UBE2L6: variants seen among roughly 807,000 people sequenced by gnomAD.
UBE2L6 encodes the protein ubiquitin conjugating enzyme E2 L6, also known as ubiquitin/ISG15-conjugating enzyme E2 L6.
UBE2L6 carries 11 observed loss-of-function variants against 13.6 expected under a neutral mutation model. That is an observed-to-expected ratio of 0.81 (90% confidence interval 0.51 to 1.34). The LOEUF is 1.34. Among genes scored for constraint, UBE2L6 ranks in the 40% most tolerant of loss-of-function variants. The probability of loss-of-function intolerance (pLI) is 0.00; values close to 1 mark genes in which losing one functional copy is unlikely to be tolerated. For synonymous variants in UBE2L6, 74 were observed against 83.2 expected (o/e 0.89, Z 0.60); for missense variants, 197 against 199.5 (o/e 0.99, Z 0.07).
intron 1 of UBE2L6, among the ~76,000 whole-genome samples, chr11:57,566,213 A>T (rs1372508258): frequency 1.3e-5 from 2 of 152,220 alleles, no homozygotes; most frequent in Admixed American, 6.5e-5. Flanking sequence ...GTTTAGGATG[A>T]GTTCTGCCAG....
At chr11:57,566,954 C>CA (rs1032269690) in intron 1 of UBE2L6, 6 of 181,370 alleles carry the variant, frequency 3.3e-5, no homozygotes, top group African/African-American at 1.2e-4. Context: ...CCCGCCCCCC[C>CA]CCCCCTCCTA....
At chr11:57,559,525 C>T (rs1402510124) in intron 2 of UBE2L6, among the ~76,000 whole-genome samples, 5 of 152,038 alleles carry the variant, frequency 3.3e-5, no homozygotes, top group East Asian at 1.9e-4. Context: ...GCAGGAGAAT[C>T]GCTTGAACCC....
intron 1 of UBE2L6, among the ~76,000 whole-genome samples, chr11:57,561,038 G>C (rs759779710): frequency 1.5e-4 from 23 of 152,184 alleles, no homozygotes; most frequent in Non-Finnish European, 3.1e-4. Flanking sequence ...TTGGGAGTAA[G>C]TGCTCTTAGG....
At chr11:57,558,549 T>C (rs1945014505) in intron 2 of UBE2L6, among the ~76,000 whole-genome samples, 1 of 152,182 alleles carries the variant, frequency 6.6e-6, no homozygotes, top group Admixed American at 6.5e-5. Flanking sequence ...AAGACAACCT[T>C]CCTCACTGGA....
At chr11:57,552,636 T>G in intron 3 of UBE2L6, 127 bp from the exon 4 acceptor site, 1 of 1,224,262 alleles carries the variant, frequency 8.2e-7, no homozygotes, top group Non-Finnish European at 1.2e-6. Flanking sequence ...AGGATTACTC[T>G]ACGACCAGAT....
At chr11:57,557,270 G>A (rs1945005201) in intron 2 of UBE2L6, among the ~76,000 whole-genome samples, 2 of 151,980 alleles carry the variant, frequency 1.3e-5, no homozygotes. Flanking sequence ...CCTGGCACCT[G>A]CTCGCTCTCT....
intron 1 of UBE2L6, among the ~76,000 whole-genome samples, chr11:57,563,398 G>A (rs932176000): frequency 6.6e-6 from 1 of 150,376 alleles, no homozygotes; most frequent in East Asian, 2.0e-4. Context: ...GCTCAGGCAG[G>A]AGAATTGGAG....
At position 57,552,002 on chromosome 11, in the gene UBE2L6, G is replaced by A. The variant is rs1210876960; in HGVS notation, c.*356C>T. 4 of 241,238 alleles carry A rather than the reference G, an allele frequency of 1.7e-5. No individual in the cohort carries two copies. Among genetic ancestry groups the A allele is most frequent in the Admixed American group, 1.0e-4 (2 of 19,312 alleles). The allele number at this position is 241,238 out of a possible 1,614,324, so 14.9% of individuals were successfully genotyped here. On this transcript the variant is annotated 3_prime_UTR_variant, in exon 4 of 4. Coordinates refer to ENST00000287156, the MANE Select transcript of UBE2L6 (RefSeq NM_004223.5). ...CAGTGCCTGAGCCCTAGGGGGATTC[G>A]AGTTGGCTGCTGGATTCATTTCCTG...
chr11:57,552,260 T>C lies in UBE2L6; in HGVS notation c.*98A>G. 2.0e-6 allele frequency: 3 copies of C among 1,504,396 alleles called. No homozygotes were observed. Among genetic ancestry groups the C allele is most frequent in the Non-Finnish European group, 2.7e-6 (3 of 1,106,850 alleles). The allele number at this position is 1,504,396 out of a possible 1,614,324, so 93.2% of individuals were successfully genotyped here. A position where few individuals can be genotyped will look rare whatever the true frequency, so the allele number is the denominator to read the frequency against. On this transcript the variant is annotated 3_prime_UTR_variant, in exon 4 of 4. Coordinates refer to ENST00000287156, the MANE Select transcript of UBE2L6 (RefSeq NM_004223.5). ...GACTAACAACCTAAGAAGGGAAAAATGAATGGGGAATGGGCCACAGGGGGC... is the reference window on the plus strand; with the variant it reads ...GACTAACAACCTAAGAAGGGAAAAACGAATGGGGAATGGGCCACAGGGGGC...
intron 1 of UBE2L6, among the ~76,000 whole-genome samples, chr11:57,566,090 T>A (rs1945089378): frequency 1.3e-5 from 2 of 152,104 alleles, no homozygotes; most frequent in Admixed American, 6.6e-5. Flanking sequence ...CTTGTAAGAG[T>A]TTCTCTATCA....
At position 57,552,475 on chromosome 11, in the gene UBE2L6, C is replaced by T. The variant is rs774403823; in HGVS notation, c.345G>A (p.Pro115=). 8.1e-6 allele frequency: 13 copies of T among 1,614,170 alleles called. No individual in the cohort carries two copies. The East Asian group carries it at 1.8e-4, about 22-fold the overall frequency. The change falls in exon 4 of 4, where the codon CCG becomes CCA. Residue 115 remains proline, a synonymous_variant. Transcript: ENST00000287156. ...LEALNVLVNR[P]NIREPLRMDL... is the part of the protein sequence containing the mutation. ...CCATCCGCAGGGGCTCCCTGATATTCGGTCTATTCACCAGCACATTGAGGG... is the reference window on the plus strand; with the variant it reads ...CCATCCGCAGGGGCTCCCTGATATTTGGTCTATTCACCAGCACATTGAGGG...
chr11:57,561,535 C>G (rs950455895), intron 1 of UBE2L6, among the ~76,000 whole-genome samples: 4 of 152,096 alleles, frequency 2.6e-5, no homozygotes, highest in Non-Finnish European at 5.9e-5. Context: ...ACTCTGTGAG[C>G]TGGGCCATGC....
chr11:57,558,483 T>C (rs1427762082), intron 2 of UBE2L6, among the ~76,000 whole-genome samples: 1 of 152,204 alleles, frequency 6.6e-6, no homozygotes, highest in Admixed American at 6.5e-5. Context: ...TTATTCTGAG[T>C]GACCCCAGAC....
intron 1 of UBE2L6, chr11:57,566,957 C>CCCCCGCCG (rs1554991547): frequency 4.6e-6 from 1 of 218,622 alleles, no homozygotes. Flanking sequence ...GCCCCCCCCC[C>CCCCCGCCG]CCTCCTAGAA....
chr11:57,564,094 TGAG>T (rs1945067778), intron 1 of UBE2L6, among the ~76,000 whole-genome samples: 1 of 151,926 alleles, frequency 6.6e-6, no homozygotes, highest in Admixed American at 6.6e-5. Context: ...TATCCAAACA[TGAG>T]AAGGTTATAG....
Position 57,559,443 on chromosome 11 carries a change from T to C in UBE2L6, c.123+894A>G, listed in dbSNP as rs1186312165. On this transcript the variant is annotated intron_variant, in intron 2 of 3. Transcript: ENST00000287156. ...CTGGCCAACATAGCAAAATCCTGTC[T>C]CCACTAAAAACACAAAAATTAGCCA... 3.9e-5 allele frequency among the ~76,000 whole-genome samples: 6 copies of C among 152,190 alleles called. No homozygotes were observed. In the East Asian group the frequency reaches 1.2e-3, roughly 29 times the overall value.
At position 57,552,249 on chromosome 11, in the gene UBE2L6, G is replaced by A; in HGVS notation, c.*109C>T. ...CACAAACTAATGACTAACAACCTAA[G>A]AAGGGAAAAATGAATGGGGAATGGG... On this transcript the variant is annotated 3_prime_UTR_variant, in exon 4 of 4. Coordinates refer to ENST00000287156, the MANE Select transcript of UBE2L6 (RefSeq NM_004223.5). 1 of 1,466,748 alleles carries A rather than the reference G, an allele frequency of 6.8e-7. No individual in the cohort carries two copies. Among genetic ancestry groups the A allele is most frequent in the Non-Finnish European group, 9.3e-7 (1 of 1,072,730 alleles). The allele number at this position is 1,466,748 out of a possible 1,614,324, so 90.9% of individuals were successfully genotyped here.
chr11:57,554,685 G>A (rs1329561296), intron 2 of UBE2L6, 62 bp from the exon 3 acceptor site: 46 of 1,585,698 alleles, frequency 2.9e-5, no homozygotes, highest in Non-Finnish European at 3.6e-5. Context: ...GCCCCAATCC[G>A]AGGGTCCTAG....
chr11:57,554,416 C>A (rs183945950), intron 3 of UBE2L6, 21 bp downstream of exon 3: 1 of 1,611,972 alleles, frequency 6.2e-7, no homozygotes, highest in African/African-American at 1.3e-5. Context: ...AGTCCCTCCT[C>A]CAAGCAAAGC....
Sources: allele counts gnomAD v4.1 joint callset (sites outside exome capture counted in the v4.1 genomes callset), GRCh38; gene constraint gnomAD v4.1.1; transcripts MANE v1.5; gene names NCBI Gene and HGNC (gene_info 2026-07-23, HGNC 2026-07-21).